CD36: variants seen among roughly 807,000 people sequenced by gnomAD.
CD36 encodes the protein CD36 molecule (CD36 blood group), also known as platelet glycoprotein 4.
A neutral mutation model predicts 55.2 loss-of-function variants in CD36; 119 were observed. The observed-to-expected ratio is 2.15, with a 90% confidence interval of 1.86 to 2.51. The LOEUF (loss-of-function observed/expected upper bound fraction) is 2.51. Among genes scored for constraint, CD36 ranks in the 30% most tolerant of loss-of-function variants. CD36 has a pLI of 0.00. For synonymous variants in CD36, 186 were observed against 193.6 expected (o/e 0.96, Z 0.33); for missense variants, 819 against 555.5 (o/e 1.47, Z -4.77).
intron 3 of CD36, among the ~76,000 whole-genome samples, chr7:80,650,592 A>G (rs1325518758): frequency 6.6e-6 from 1 of 152,124 alleles, no homozygotes; most frequent in Non-Finnish European, 1.5e-5. Flanking sequence ...TGTTTAGCTG[A>G]CTAATAGCAA....
chr7:80,660,459 C>T (rs1458747880), intron 4 of CD36, among the ~76,000 whole-genome samples: 1 of 152,110 alleles, frequency 6.6e-6, no homozygotes, highest in African/African-American at 2.4e-5. Context: ...AGAAAATGTG[C>T]TCTAAATATT....
rs144014175 is a variant in CD36 at position 80,604,390 on chromosome 7, T to TTTTAGC, written c.-184+2011_-184+2012insTTTAGC. On this transcript the variant is annotated intron_variant, in intron 1 of 13. Coordinates refer to the CD36 transcript ENST00000309881. ...TTTTTTTTTTTTTTTTTTTTTTTTT[T>TTTTAGC]AGCAAAGTATGCCATTGGTTCCACA... 1.3e-4 allele frequency among the ~76,000 whole-genome samples: 14 copies of TTTTAGC among 109,640 alleles called. 2 individuals are homozygous for TTTTAGC. In the East Asian group the frequency reaches 2.8e-3, roughly 22 times the overall value. The allele number at this position is 109,640 out of a possible 152,430, so 71.9% of individuals were successfully genotyped here.
intron 2 of CD36, 121 bp downstream of exon 2, chr7:80,646,302 G>T: frequency 4.4e-6 from 1 of 225,656 alleles, no homozygotes; most frequent in Non-Finnish European, 9.0e-6. Context: ...GTGTTGGGTG[G>T]AGAAACCAGA....
intron 5 of CD36, among the ~76,000 whole-genome samples, chr7:80,661,806 C>T (rs1584420925): frequency 6.6e-6 from 1 of 152,082 alleles, no homozygotes; most frequent in Non-Finnish European, 1.5e-5. Context: ...AAAATAAAGT[C>T]GATAAGGTTG....
chr7:80,669,850 A>C (rs1287918237), intron 8 of CD36, 103 bp from the exon 9 acceptor site: 4 of 810,600 alleles, frequency 4.9e-6, no homozygotes, highest in Non-Finnish European at 8.8e-6. Flanking sequence ...TTACTTAGGC[A>C]GTTTGCATTA....
At chr7:80,647,833 T>A (rs1289061977) in intron 3 of CD36, among the ~76,000 whole-genome samples, 1 of 152,018 alleles carries the variant, frequency 6.6e-6, no homozygotes, top group Non-Finnish European at 1.5e-5. Context: ...ATAAAACGAG[T>A]TCTGCCTTCA....
At chr7:80,622,549 T>C (rs1793527710) in intron 1 of CD36, among the ~76,000 whole-genome samples, 1 of 152,236 alleles carries the variant, frequency 6.6e-6, no homozygotes, top group Admixed American at 6.5e-5. Flanking sequence ...AGTTACATTT[T>C]TAAAAATAAT....
At chr7:80,612,143 C>T (rs1210911496) in intron 1 of CD36, among the ~76,000 whole-genome samples, 5 of 152,272 alleles carry the variant, frequency 3.3e-5, no homozygotes, top group East Asian at 1.9e-4. Context: ...AGTAATTAAA[C>T]GTGCACACCT....
intron 1 of CD36, among the ~76,000 whole-genome samples, chr7:80,606,979 TATA>T (rs1395211639): frequency 1.3e-5 from 2 of 152,174 alleles, no homozygotes; most frequent in African/African-American, 4.8e-5. Context: ...GCAGCTCTGT[TATA>T]ATCATTCAAC....
chr7:80,672,607 C>T (rs139050675), intron 11 of CD36, among the ~76,000 whole-genome samples, 163 bp from the exon 12 acceptor site: 270 of 151,512 alleles, frequency 1.8e-3, no homozygotes, highest in Middle Eastern at 7.0e-3. Context: ...TATATGGATG[C>T]ATGTGTATAT....
At chr7:80,664,812 T>C (rs1466966813) in intron 7 of CD36, among the ~76,000 whole-genome samples, 2 of 149,154 alleles carry the variant, frequency 1.3e-5, no homozygotes, top group Non-Finnish European at 1.5e-5. Flanking sequence ...AGCATTACAG[T>C]ATAATTATTC....
At chr7:80,653,233 T>A (rs1451264454) in intron 3 of CD36, among the ~76,000 whole-genome samples, 1 of 152,224 alleles carries the variant, frequency 6.6e-6, no homozygotes, top group Non-Finnish European at 1.5e-5. Flanking sequence ...CTTCTGTCTC[T>A]TGGTAGAAAT....
intron 7 of CD36, among the ~76,000 whole-genome samples, chr7:80,665,183 C>G (rs768134540): frequency 3.0e-4 from 45 of 150,650 alleles, no homozygotes; most frequent in Non-Finnish European, 2.7e-4. Context: ...AAATCAGCTT[C>G]CTAAGCCATT....
intron 1 of CD36, among the ~76,000 whole-genome samples, chr7:80,642,660 A>C (rs1794899962): frequency 6.6e-6 from 1 of 152,182 alleles, no homozygotes; most frequent in South Asian, 2.1e-4. Flanking sequence ...ATAATAAATG[A>C]ACCCAACTAG....
intron 7 of CD36, chr7:80,666,155 CTAAGTTTCTGA>C (rs1797071734): frequency 5.3e-6 from 2 of 375,558 alleles, no homozygotes; most frequent in South Asian, 5.5e-5. Flanking sequence ...AAGTAGAGAT[CTAAGTTTCTGA>C]TAAATGTTTT....
upstream of CD36, chr7:80,638,529 T>C (rs1246338359): frequency 1.4e-5 from 2 of 148,068 alleles, no homozygotes; most frequent in African/African-American, 5.0e-5. Context: ...TCAATTCCTC[T>C]GGCAACAAAC....
intron 3 of CD36, among the ~76,000 whole-genome samples, chr7:80,654,172 T>G (rs542912916): frequency 1.3e-5 from 2 of 152,310 alleles, no homozygotes; most frequent in South Asian, 4.1e-4. Context: ...GTACAATGTC[T>G]TTTGGTGTTT....
chr7:80,648,073 G>A (rs574854200), intron 3 of CD36, among the ~76,000 whole-genome samples: 5 of 152,210 alleles, frequency 3.3e-5, no homozygotes, highest in African/African-American at 1.2e-4. Context: ...TCAGCCTCAT[G>A]CATTTAACTG....
At chr7:80,647,887 A>G (rs1301759121) in intron 3 of CD36, among the ~76,000 whole-genome samples, 1 of 152,134 alleles carries the variant, frequency 6.6e-6, no homozygotes, top group African/African-American at 2.4e-5. Flanking sequence ...ACAAAGGGTT[A>G]GTAAGCATAG....
Sources: gnomAD v4.1 joint callset for allele counts (sites outside exome capture counted in the v4.1 genomes callset) on GRCh38, gnomAD v4.1.1 for gene constraint, MANE v1.5 for transcripts, NCBI Gene and HGNC (gene_info 2026-07-23, HGNC 2026-07-21) for gene names.